The following GGACT variants were observed in gnomAD, a reference collection of about 807,000 sequenced individuals.
GGACT encodes gamma-glutamylaminecyclotransferase.
For missense variants in GGACT, 241 were observed against 233.2 expected, an observed-to-expected ratio of 1.03 and a Z score of -0.22; for synonymous variants, 118 against 115.3, an observed-to-expected ratio of 1.02 and a Z score of -0.15.
intron 2 of GGACT, among the ~76,000 whole-genome samples, chr13:100,578,303 T>G (rs1875312543): frequency 2.0e-5 from 3 of 152,238 alleles, no homozygotes; most frequent in African/African-American, 7.2e-5. Context: ...GTTTTTATTC[T>G]ACATAATGAA....
At chr13:100,577,235 G>A (rs2153016839) in intron 2 of GGACT, among the ~76,000 whole-genome samples, 1 of 152,102 alleles carries the variant, frequency 6.6e-6, no homozygotes, top group African/African-American at 2.4e-5. Context: ...GGCCAACATG[G>A]TGAAACCCCA....
At chr13:100,564,617 G>C (rs1486582756) in intron 2 of GGACT, among the ~76,000 whole-genome samples, 1 of 152,148 alleles carries the variant, frequency 6.6e-6, no homozygotes, top group Non-Finnish European at 1.5e-5. Context: ...TTAACTACGA[G>C]ACTGTTGCCT....
At chr13:100,572,217 G>C (rs1034052483) in intron 2 of GGACT, among the ~76,000 whole-genome samples, 28 of 152,190 alleles carry the variant, frequency 1.8e-4, no homozygotes, top group Non-Finnish European at 1.0e-4. Context: ...TGAAAAGACT[G>C]AAAGGAAGGA....
chr13:100,564,765 C>T (rs968734072), intron 2 of GGACT, among the ~76,000 whole-genome samples: 5 of 152,178 alleles, frequency 3.3e-5, no homozygotes, highest in Non-Finnish European at 7.3e-5. Context: ...TTACTTTCAA[C>T]ACCTGGTGTC....
intron 2 of GGACT, among the ~76,000 whole-genome samples, chr13:100,562,504 AG>A (rs1470704021): frequency 2.0e-5 from 3 of 152,172 alleles, no homozygotes; most frequent in Non-Finnish European, 4.4e-5. Context: ...CTGGTAAGAG[AG>A]GCACATGAGG....
At position 100,530,273 on chromosome 13, in the gene GGACT, G is replaced by A. The variant is rs2088308732; in HGVS notation, c.*1857C>T. On this transcript the variant is annotated 3_prime_UTR_variant, in exon 3 of 3. Transcript: ENST00000683975. ...TACAGGAACACCCCTGTGCAGCTAC[G>A]TTTACGTCGTCATTTATTCCACAGA... 1 of 890,512 alleles carries A rather than the reference G, an allele frequency of 1.1e-6. No individual in the cohort carries two copies. 55.2% of individuals were successfully genotyped at this position (890,512 alleles called of 1,614,324 possible).
chr13:100,532,049 C>A lies in GGACT; in HGVS notation c.*81G>T, dbSNP rs2088398830. The A allele has an allele frequency of 9.6e-7, 1 of 1,044,190 alleles. No individual in the cohort carries two copies. The highest frequency in any genetic ancestry group is 1.3e-6 in the Non-Finnish European group (1 of 770,828). The allele number at this position is 1,044,190 out of a possible 1,614,324, so 64.7% of individuals were successfully genotyped here. A position where few individuals can be genotyped will look rare whatever the true frequency, so the allele number is the denominator to read the frequency against. ...ATTCATTGGAAAGGGCCCTGTTCGGCTTCCGCCTTCACCCAGCATGGGCTG... is the reference window on the plus strand; with the variant it reads ...ATTCATTGGAAAGGGCCCTGTTCGGATTCCGCCTTCACCCAGCATGGGCTG... On this transcript the variant is annotated 3_prime_UTR_variant, in exon 3 of 3. Coordinates refer to ENST00000683975, the MANE Select transcript of GGACT (RefSeq NM_001195087.2).
chr13:100,585,989 AAAAT>A (rs1319262726), intron 1 of GGACT, among the ~76,000 whole-genome samples: 1 of 152,110 alleles, frequency 6.6e-6, no homozygotes, highest in Non-Finnish European at 1.5e-5. Flanking sequence ...CTCAAAAAAT[AAAAT>A]AAAATAAAAA....
intron 2 of GGACT, among the ~76,000 whole-genome samples, chr13:100,564,185 A>C (rs892276501): frequency 6.6e-6 from 1 of 152,232 alleles, no homozygotes; most frequent in Non-Finnish European, 1.5e-5. Flanking sequence ...AGTATTTTTC[A>C]AAGCTCTCCA....
At chr13:100,567,858 C>A (rs1190540119) in intron 2 of GGACT, among the ~76,000 whole-genome samples, 1 of 152,228 alleles carries the variant, frequency 6.6e-6, no homozygotes, top group Non-Finnish European at 1.5e-5. Context: ...AGCCTGAATG[C>A]AGTTATGTAT....
At chr13:100,568,462 G>A (rs902768998) in intron 2 of GGACT, among the ~76,000 whole-genome samples, 1 of 152,246 alleles carries the variant, frequency 6.6e-6, no homozygotes, top group Non-Finnish European at 1.5e-5. Flanking sequence ...AAAAGCATCA[G>A]ATTTTGTGAG....
intron 2 of GGACT, among the ~76,000 whole-genome samples, chr13:100,559,129 C>G (rs1047552552): frequency 2.0e-5 from 3 of 152,134 alleles, no homozygotes; most frequent in African/African-American, 7.2e-5. Context: ...AAATGCAGCT[C>G]TGCACAACAT....
At position 100,532,614 on chromosome 13, in the gene GGACT, G is replaced by A. The variant is rs1386263521; in HGVS notation, c.-10-13C>T. On this transcript the variant is annotated splice_polypyrimidine_tract_variant and intron_variant, in intron 2 of 2. Coordinates refer to ENST00000683975, the MANE Select transcript of GGACT (RefSeq NM_001195087.2). ...CATCCGGGCAGAGCTGCAGGGAGAG[G>A]GGAAGTCACAGGTCAGCCCGCAGTG... 2.6e-6 allele frequency: 4 copies of A among 1,517,028 alleles called. No homozygotes were observed. The Admixed American group carries it at 6.2e-5, about 23-fold the overall frequency. 94.0% of individuals were successfully genotyped at this position (1,517,028 alleles called of 1,614,324 possible). A position where few individuals can be genotyped will look rare whatever the true frequency, so the allele number is the denominator to read the frequency against.
chr13:100,588,549 T>G (rs1013628252), intron 1 of GGACT, 192 bp downstream of exon 1: 1 of 151,940 alleles, frequency 6.6e-6, no homozygotes, highest in African/African-American at 2.4e-5. Context: ...CACCGTCCCC[T>G]CCCTCCGGCT....
At chr13:100,587,149 T>C (rs1342490862) in intron 1 of GGACT, 1 of 152,156 alleles carries the variant, frequency 6.6e-6, no homozygotes, top group Non-Finnish European at 1.5e-5. Flanking sequence ...GGTGTCCTAA[T>C]CACTGGTAAG....
chr13:100,572,375 G>A (rs1488411616), intron 2 of GGACT, among the ~76,000 whole-genome samples: 2 of 152,182 alleles, frequency 1.3e-5, no homozygotes, highest in South Asian at 4.1e-4. Context: ...AAACAGAATG[G>A]TGATTACCAG....
At chr13:100,543,225 T>TTTTTTTTAAA in intron 2 of GGACT, among the ~76,000 whole-genome samples, 1 of 140,032 alleles carries the variant, frequency 7.1e-6, no homozygotes, top group East Asian at 2.2e-4. Flanking sequence ...TTTTTTTTTT[T>TTTTTTTTAAA]GAGACGGAGT....
intron 2 of GGACT, chr13:100,540,311 T>TTCAG (rs992001932): frequency 1.2e-6 from 1 of 812,736 alleles, no homozygotes; most frequent in Non-Finnish European, 2.1e-6. Flanking sequence ...TGACTGCTGC[T>TTCAG]TCAGTCTCTT....
At chr13:100,584,588 G>A (rs1016714906) in intron 1 of GGACT, among the ~76,000 whole-genome samples, 1 of 152,104 alleles carries the variant, frequency 6.6e-6, no homozygotes, top group Admixed American at 6.5e-5. Flanking sequence ...ACTATAGTCA[G>A]TAATAATGTA....
Sources: gnomAD v4.1 joint callset for allele counts (sites outside exome capture counted in the v4.1 genomes callset) on GRCh38, gnomAD v4.1.1 for gene constraint, MANE v1.5 for transcripts, NCBI Gene and HGNC (gene_info 2026-07-23, HGNC 2026-07-21) for gene names.